Variants in SPATA3 observed in about 807,000 individuals in gnomAD.
SPATA3 encodes the protein spermatogenesis associated 3.
In SPATA3, 6 loss-of-function variants were observed where a neutral mutation model predicts 5.7. That is an observed-to-expected ratio of 1.06 (90% CI 0.58 to 2.09). SPATA3 has a LOEUF of 2.09. Ranked by LOEUF, SPATA3 falls within the 30% of genes most tolerant of loss-of-function variation. The pLI, the probability that SPATA3 is intolerant of heterozygous loss-of-function variation, is 0.00. For missense variants in SPATA3, 155 were observed against 130.4 expected (o/e 1.19, Z -0.92); for synonymous variants, 44 against 48.4 (o/e 0.91, Z 0.37).
chr2:231,008,521 A>G (rs1329922054), downstream of SPATA3, among the ~76,000 whole-genome samples: 2 of 152,114 alleles, frequency 1.3e-5, no homozygotes, highest in African/African-American at 4.8e-5. Flanking sequence ...ATTGGGCAGG[A>G]TGGGCCAGGC....
At chr2:231,005,595 TCAC>T (rs1692594494), downstream of SPATA3, among the ~76,000 whole-genome samples, 1 of 49,938 alleles carries the variant, frequency 2.0e-5, no homozygotes, top group Non-Finnish European at 4.1e-5. Context: ...ATCCTCACCA[TCAC>T]CATCATCACC....
intron 1 of SPATA3, among the ~76,000 whole-genome samples, chr2:230,998,465 C>T (rs1385137510): frequency 6.6e-6 from 1 of 152,174 alleles, no homozygotes; most frequent in Non-Finnish European, 1.5e-5. Flanking sequence ...GACTCATACT[C>T]AGAGAAGAAT....
chr2:231,006,605 G>C (rs539907532), downstream of SPATA3: 1 of 152,254 alleles, frequency 6.6e-6, no homozygotes, highest in African/African-American at 2.4e-5. Flanking sequence ...GCACCTGTAT[G>C]AGAGTCACTG....
intron 1 of SPATA3, among the ~76,000 whole-genome samples, chr2:230,997,436 GA>G (rs1692170249): frequency 6.6e-6 from 1 of 152,272 alleles, no homozygotes; most frequent in Admixed American, 6.5e-5. Flanking sequence ...TCAGCAGTGT[GA>G]AAACAGACAA....
downstream of SPATA3, among the ~76,000 whole-genome samples, chr2:231,009,170 A>T (rs1019629191): frequency 6.6e-6 from 1 of 152,180 alleles, no homozygotes; most frequent in African/African-American, 2.4e-5. Flanking sequence ...ACCAAAAGAG[A>T]TGGGAATGGA....
At chr2:230,998,352 C>G (rs1692208832) in intron 1 of SPATA3, among the ~76,000 whole-genome samples, 1 of 152,208 alleles carries the variant, frequency 6.6e-6, no homozygotes, top group Non-Finnish European at 1.5e-5. Flanking sequence ...TGATCATCAG[C>G]CAGTGAGAGA....
downstream of SPATA3, among the ~76,000 whole-genome samples, chr2:231,005,436 CA>C (rs1692568412): frequency 3.0e-5 from 1 of 33,100 alleles, no homozygotes; most frequent in South Asian, 1.2e-3. Context: ...ACCACCACCA[CA>C]ATCACCACCA....
intron 2 of SPATA3, 39 bp from the exon 3 acceptor site, chr2:231,002,645 C>T: frequency 7.4e-7 from 1 of 1,346,910 alleles, no homozygotes; most frequent in South Asian, 1.6e-5. Flanking sequence ...GCACTGAAGC[C>T]CAGCTTCCCA....
At chr2:231,006,400 G>C (rs1187822174), downstream of SPATA3, among the ~76,000 whole-genome samples, 1 of 151,946 alleles carries the variant, frequency 6.6e-6, no homozygotes, top group Non-Finnish European at 1.5e-5. Flanking sequence ...CTACTCGGGA[G>C]GCTGAGGCAG....
At chr2:231,005,487 C>CCAT (rs1692576211), downstream of SPATA3, among the ~76,000 whole-genome samples, 1 of 20,298 alleles carries the variant, frequency 4.9e-5, no homozygotes, top group African/African-American at 1.7e-4. Context: ...ACCACCACCA[C>CCAT]CATCACCACC....
At chr2:231,012,868 T>C (rs1018023120) in intron 5 of SPATA3, among the ~76,000 whole-genome samples, 23 of 152,210 alleles carry the variant, frequency 1.5e-4, no homozygotes, top group African/African-American at 4.6e-4. Flanking sequence ...ACAATGAATT[T>C]GGTGAAAGAA....
chr2:231,008,324 G>A (rs920615328), downstream of SPATA3, among the ~76,000 whole-genome samples: 1 of 152,334 alleles, frequency 6.6e-6, no homozygotes, highest in East Asian at 1.9e-4. Context: ...CAGCCCGCAT[G>A]CACTGGAACG....
At chr2:231,016,703 CA>C (rs1692948309) in intron 6 of SPATA3, among the ~76,000 whole-genome samples, 1 of 151,974 alleles carries the variant, frequency 6.6e-6, no homozygotes, top group Non-Finnish European at 1.5e-5. Flanking sequence ...AAATAAAAAA[CA>C]AAGGCTAGGT....
chr2:231,000,651 G>A, intron 2 of SPATA3, 114 bp downstream of exon 2: 1 of 1,139,102 alleles, frequency 8.8e-7, no homozygotes, highest in Non-Finnish European at 1.2e-6. Context: ...CCAGGCCGAA[G>A]GAAAGCCTTT....
downstream of SPATA3, among the ~76,000 whole-genome samples, chr2:231,009,265 CCG>C (rs1477027977): frequency 6.6e-6 from 1 of 152,138 alleles, no homozygotes; most frequent in Admixed American, 6.5e-5. Context: ...CTGCTTCTCC[CCG>C]TTTTCCTCCA....
At chr2:231,017,761 G>A (rs2125127371) in intron 6 of SPATA3, among the ~76,000 whole-genome samples, 1 of 152,354 alleles carries the variant, frequency 6.6e-6, no homozygotes, top group South Asian at 2.1e-4. Flanking sequence ...GCTCTGGAAA[G>A]CTGTGTTTTT....
chr2:230,998,821 T>A (rs1206231638), intron 1 of SPATA3, among the ~76,000 whole-genome samples: 1 of 152,194 alleles, frequency 6.6e-6, no homozygotes, highest in Non-Finnish European at 1.5e-5. Flanking sequence ...GTCTGGTGGT[T>A]CCTCAGAGGA....
chr2:230,996,639 A>C (rs1692134221), intron 1 of SPATA3, 105 bp downstream of exon 1: 1 of 1,379,456 alleles, frequency 7.2e-7, no homozygotes, highest in Non-Finnish European at 9.8e-7. Flanking sequence ...GTTAACGTGT[A>C]TCCTGGAGCT....
At chr2:231,019,576 G>A (rs1018150056) in intron 6 of SPATA3, 5 of 150,954 alleles carry the variant, frequency 3.3e-5, no homozygotes, top group East Asian at 2.1e-4. Context: ...CACCCACCTC[G>A]GCCTCCCAGA....
Sources: allele counts gnomAD v4.1 joint callset (sites outside exome capture counted in the v4.1 genomes callset), GRCh38; gene constraint gnomAD v4.1.1; transcripts MANE v1.5; gene names NCBI Gene and HGNC (gene_info 2026-07-23, HGNC 2026-07-21).